The following CDC45 variants were observed in gnomAD, a reference collection of about 807,000 sequenced individuals.
The protein encoded by CDC45 is cell division cycle 45.
In CDC45, 54 loss-of-function variants were observed where a neutral mutation model predicts 77.8. That is an observed-to-expected ratio of 0.69 (90% CI 0.56 to 0.87). CDC45 has a LOEUF of 0.87. Ranked by LOEUF, CDC45 falls within the 40% of genes least tolerant of loss-of-function variation. The pLI is 0.00. For missense variants in CDC45, 649 were observed against 721.6 expected (o/e 0.90, Z 1.15); for synonymous variants, 260 against 272.1 (o/e 0.96, Z 0.44).
intron 13 of CDC45, 80 bp from the exon 14 acceptor site, chr22:19,514,669 A>G (rs1933682065): frequency 5.6e-6 from 7 of 1,259,626 alleles, no homozygotes; most frequent in Middle Eastern, 1.9e-4. Flanking sequence ...CCAGGAACCA[A>G]GCAAACTATT....
intron 16 of CDC45, 71 bp from the exon 17 acceptor site, chr22:19,516,746 G>A (rs947033524): frequency 1.1e-5 from 10 of 897,718 alleles, no homozygotes; most frequent in African/African-American, 3.8e-5. Context: ...TCTAGTGTCT[G>A]TCCTGGGGCG....
rs149459257 is a variant in CDC45, at chr22:19,507,593, C to G, written c.956+76C>G. ...GAAAAGCCCCTCTGCTTTGTTGTGACCAACTTAGTTATAAAATGCAGCCTG... is the reference window on the plus strand; with the variant it reads ...GAAAAGCCCCTCTGCTTTGTTGTGAGCAACTTAGTTATAAAATGCAGCCTG... On this transcript the variant is annotated intron_variant, in intron 11 of 18. Transcript: ENST00000263201. 96 of 1,569,972 alleles carry G rather than the reference C, an allele frequency of 6.1e-5. No individual in the cohort carries two copies. In the African/African-American group the frequency reaches 1.2e-3, roughly 20 times the overall value.
chr22:19,483,714 C>A, intron 4 of CDC45, 148 bp from the exon 5 acceptor site: 1 of 722,274 alleles, frequency 1.4e-6, no homozygotes, highest in Non-Finnish European at 2.2e-6. Flanking sequence ...TCCTTAGAAG[C>A]CTGGAACTCT....
At chr22:19,495,661 A>G (rs13447221) in intron 6 of CDC45, among the ~76,000 whole-genome samples, 4 of 152,168 alleles carry the variant, frequency 2.6e-5, no homozygotes, top group African/African-American at 9.7e-5. Context: ...CTATTAAAAA[A>G]TTTTTTTAAA....
chr22:19,507,318 C>T (rs1479805492), intron 10 of CDC45, 68 bp from the exon 11 acceptor site: 3 of 1,578,962 alleles, frequency 1.9e-6, no homozygotes, highest in Non-Finnish European at 2.6e-6. Flanking sequence ...AGTGGCCCAC[C>T]TGCTGGAGTT....
Position 19,509,877 on chromosome 22 carries a change from T to C in CDC45, c.1217+1186T>C, listed in dbSNP as rs115224041. Among the ~76,000 whole-genome samples, 643 of 152,340 alleles carry C rather than the reference T, an allele frequency of 4.2e-3. 6 individuals carry two copies. The highest frequency in any genetic ancestry group is 0.015 in the African/African-American group (607 of 41,584). The stretch of plus-strand genomic sequence containing the variant: ...CCTGGTTCTGCTCCCAAGCACACTT[T>C]TTTTTCCACTGCTTTATTGAGATAC... On this transcript the variant is annotated intron_variant, in intron 13 of 18. Transcript: ENST00000263201.
chr22:19,485,795 GT>G (rs1298825575), intron 5 of CDC45, among the ~76,000 whole-genome samples: 1 of 152,120 alleles, frequency 6.6e-6, no homozygotes, highest in Non-Finnish European at 1.5e-5. Context: ...TCAATCTAGA[GT>G]CAACAGTGGA....
chr22:19,513,852 C>T (rs5748254), intron 13 of CDC45, among the ~76,000 whole-genome samples: 128,966 of 152,214 alleles, frequency 0.85, 55,142 homozygotes, highest in African/African-American at 0.96. Flanking sequence ...CCTGGAATGA[C>T]GATGCTCTGT....
rs770429622 is a variant in CDC45, at chr22:19,518,892, T to C, written c.1685T>C (p.Ile562Thr). The C allele has an allele frequency of 4.3e-6, 7 of 1,613,916 alleles. No individual in the cohort carries two copies. Among genetic ancestry groups the C allele is most frequent in the African/African-American group, 1.3e-5 (1 of 74,932 alleles). ...CGGAGCAAGTTTCTGGACGCACTTA[T>C]TTCCCTCCTGTCCTAGGGTGAGTTA... ...EDRSKFLDAL[I>T]SLLS Residue 562 changes from isoleucine to threonine, a missense_variant, in exon 18 of 19, where the codon ATT becomes ACT. Coordinates refer to ENST00000263201, the MANE Select transcript of CDC45 (RefSeq NM_003504.5).
At chr22:19,500,659 C>T (rs1039079752) in intron 9 of CDC45, among the ~76,000 whole-genome samples, 1 of 152,164 alleles carries the variant, frequency 6.6e-6, no homozygotes, top group Non-Finnish European at 1.5e-5. Context: ...CTGATGATTA[C>T]ATCCCCCTTG....
intron 13 of CDC45, among the ~76,000 whole-genome samples, chr22:19,508,895 T>A (rs1376098354): frequency 6.6e-6 from 1 of 152,230 alleles, no homozygotes; most frequent in African/African-American, 2.4e-5. Context: ...TTCTCTTGAA[T>A]CTTTTTTGGC....
intron 2 of CDC45, among the ~76,000 whole-genome samples, chr22:19,480,594 G>A (rs2089963984): frequency 6.6e-6 from 1 of 152,138 alleles, no homozygotes; most frequent in Non-Finnish European, 1.5e-5. Context: ...CGTGTCACAG[G>A]TGTTGCTGGG....
At chr22:19,495,714 TAGG>T (rs1321872011) in intron 6 of CDC45, among the ~76,000 whole-genome samples, 1 of 152,126 alleles carries the variant, frequency 6.6e-6, no homozygotes, top group Admixed American at 6.6e-5. Flanking sequence ...CCCATCTACT[TAGG>T]AGGCTGAGTT....
At chr22:19,484,502 GC>G (rs2090035060) in intron 5 of CDC45, among the ~76,000 whole-genome samples, 1 of 152,166 alleles carries the variant, frequency 6.6e-6, no homozygotes, top group Non-Finnish European at 1.5e-5. Flanking sequence ...GTGATCTGGG[GC>G]TGGGCCCAGT....
rs13447234 is a variant in CDC45, at chr22:19,500,067, T to C, written c.704+916T>C. On this transcript the variant is annotated intron_variant, in intron 9 of 18. Coordinates refer to ENST00000263201, the MANE Select transcript of CDC45 (RefSeq NM_003504.5). ...GACAGGTCACCTTGGCACAGCCCACTGCCCTGTTGGGCCCTGAGTCCCTTC... is the reference window on the plus strand; with the variant it reads ...GACAGGTCACCTTGGCACAGCCCACCGCCCTGTTGGGCCCTGAGTCCCTTC... 2.3e-3 allele frequency among the ~76,000 whole-genome samples: 345 copies of C among 152,372 alleles called. 6 individuals are homozygous for C. Among genetic ancestry groups the C allele is most frequent in the East Asian group, 0.015 (77 of 5,182 alleles).
chr22:19,505,724 T>C (rs1216705612), intron 10 of CDC45, among the ~76,000 whole-genome samples: 1 of 152,228 alleles, frequency 6.6e-6, no homozygotes, highest in African/African-American at 2.4e-5. Flanking sequence ...AAAGTGCTTA[T>C]TGTGGGCCTG....
chr22:19,518,891 A>G lies in CDC45; in HGVS notation c.1684A>G (p.Ile562Val). Residue 562 changes from isoleucine (I) to valine (V), a missense_variant, in exon 18 of 19, where the codon ATT (isoleucine) becomes GTT (valine). Transcript: ENST00000263201. Reference protein sequence around the residue: ...EDRSKFLDALISLLS With the variant: ...EDRSKFLDALVSLLS The stretch of plus-strand genomic sequence containing the variant: ...TCGGAGCAAGTTTCTGGACGCACTT[A>G]TTTCCCTCCTGTCCTAGGGTGAGTT... The G allele has an allele frequency of 6.2e-7, 1 of 1,613,850 alleles. No homozygotes were observed. The highest frequency in any genetic ancestry group is 1.1e-5 in the South Asian group (1 of 91,066).
chr22:19,484,085 C>T (rs1175016656), intron 5 of CDC45, 80 bp downstream of exon 5: 5 of 1,404,846 alleles, frequency 3.6e-6, no homozygotes, highest in East Asian at 4.7e-5. Context: ...CCTGCCAGGC[C>T]AAGGTGTACT....
upstream of CDC45, chr22:19,479,497 G>A (rs937545737): frequency 3.4e-6 from 2 of 588,516 alleles, no homozygotes; most frequent in Non-Finnish European, 6.5e-6. Context: ...TCGAGGACTC[G>A]GGCGGAACTA....
Sources: allele counts gnomAD v4.1 joint callset (sites outside exome capture counted in the v4.1 genomes callset), GRCh38; gene constraint gnomAD v4.1.1; transcripts MANE v1.5; gene names NCBI Gene and HGNC (gene_info 2026-07-23, HGNC 2026-07-21).